The following CTNNA3 variants were observed in gnomAD, a reference collection of about 807,000 sequenced individuals.
CTNNA3 encodes the protein catenin alpha 3.
CTNNA3 carries 76 observed loss-of-function variants against 95.7 expected under a neutral mutation model. That is an observed-to-expected ratio of 0.79 (90% confidence interval 0.66 to 0.96). The LOEUF (loss-of-function observed/expected upper bound fraction) is 0.96. Among genes scored for constraint, CTNNA3 ranks in the 40% least tolerant of loss-of-function variants. CTNNA3 has a pLI of 0.00. For synonymous variants in CTNNA3, 431 were observed against 374.4 expected (o/e 1.15, Z -1.74); for missense variants, 1,191 against 1,089.8 (o/e 1.09, Z -1.31).
chr10:67,241,074 C>A (rs1019020403), intron 5 of CTNNA3, among the ~76,000 whole-genome samples: 5 of 152,114 alleles, frequency 3.3e-5, no homozygotes, highest in African/African-American at 1.2e-4. Context: ...TTAATGCATC[C>A]TTTCCATTGG....
intron 7 of CTNNA3, among the ~76,000 whole-genome samples, chr10:67,027,699 G>C (rs1242809533): frequency 6.6e-6 from 1 of 151,864 alleles, no homozygotes; most frequent in African/African-American, 2.4e-5. Context: ...AAAGTGCTGG[G>C]ATTACAGGCA....
In CTNNA3 at chr10:66,019,739, TAAAAA is replaced by T. The variant is rs2079163385; in HGVS notation, c.2160-30947_2160-30943del. On this transcript the variant is annotated intron_variant, in intron 15 of 17. Transcript: ENST00000433211. ...AAAAGAAATGGGCAAAAAAAATAGT[TAAAAA>T]ATTGCTTAGTGTAGTTTGATGTTCC... is the stretch of plus-strand genomic sequence containing the variant. Among the ~76,000 whole-genome samples, 3 of 152,154 alleles carry T rather than the reference TAAAAA, an allele frequency of 2.0e-5. No individual in the cohort carries two copies. The South Asian group carries it at 6.2e-4, about 31-fold the overall frequency.
At chr10:66,714,855 T>G (rs1025586920) in intron 9 of CTNNA3, among the ~76,000 whole-genome samples, 1 of 152,174 alleles carries the variant, frequency 6.6e-6, no homozygotes, top group African/African-American at 2.4e-5. Flanking sequence ...GCTTAAAACT[T>G]CTTTAATGAG....
chr10:66,419,543 A>C (rs1296890741), intron 11 of CTNNA3, among the ~76,000 whole-genome samples: 1 of 152,174 alleles, frequency 6.6e-6, no homozygotes, highest in African/African-American at 2.4e-5. Context: ...AAACAATCCT[A>C]CAATTCATTT....
chr10:67,604,940 T>A (rs998979635), intron 3 of CTNNA3, among the ~76,000 whole-genome samples: 6 of 152,182 alleles, frequency 3.9e-5, no homozygotes, highest in Admixed American at 3.3e-4. Flanking sequence ...GTATATAACA[T>A]ACATAACAAA....
At chr10:67,749,758 G>A (rs1472636002) in intron 1 of CTNNA3, among the ~76,000 whole-genome samples, 1 of 152,074 alleles carries the variant, frequency 6.6e-6, no homozygotes, top group East Asian at 1.9e-4. Flanking sequence ...AAGATATAGA[G>A]AGGCAGGAGC....
intron 9 of CTNNA3, among the ~76,000 whole-genome samples, chr10:66,646,574 G>A (rs1362290078): frequency 6.6e-6 from 1 of 152,124 alleles, no homozygotes; most frequent in African/African-American, 2.4e-5. Flanking sequence ...AGGTGAAAGA[G>A]AGATGAAAAT....
chr10:66,386,321 A>C (rs917017699), intron 11 of CTNNA3, among the ~76,000 whole-genome samples: 4 of 152,170 alleles, frequency 2.6e-5, no homozygotes, highest in African/African-American at 4.8e-5. Context: ...AAAGAGCCAA[A>C]TCATGAGTGA....
intron 10 of CTNNA3, among the ~76,000 whole-genome samples, chr10:66,617,044 T>G (rs961044438): frequency 6.6e-6 from 1 of 151,962 alleles, no homozygotes; most frequent in Non-Finnish European, 1.5e-5. Context: ...GAACATCCAA[T>G]ATATATTTTA....
At chr10:67,446,966 G>A (rs891337937) in intron 5 of CTNNA3, among the ~76,000 whole-genome samples, 11 of 152,236 alleles carry the variant, frequency 7.2e-5, no homozygotes, top group South Asian at 2.1e-4. Flanking sequence ...TTAGCCGGGC[G>A]TGGTGGCGGG....
chr10:66,176,883 C>T (rs1192635338), intron 13 of CTNNA3, among the ~76,000 whole-genome samples: 1 of 151,830 alleles, frequency 6.6e-6, no homozygotes, highest in Non-Finnish European at 1.5e-5. Context: ...CTTACATAAA[C>T]CCTGTTCTGA....
intron 7 of CTNNA3, among the ~76,000 whole-genome samples, chr10:66,840,057 C>T (rs528233870): frequency 2.6e-5 from 4 of 151,958 alleles, no homozygotes; most frequent in Non-Finnish European, 5.9e-5. Flanking sequence ...AAACTAATCC[C>T]GAATAGGCCA....
rs150428684 is a variant in CTNNA3, at chr10:66,793,760, G to T, written c.1048-18236C>A. Among the ~76,000 whole-genome samples, 102 of 152,100 alleles carry T rather than the reference G, an allele frequency of 6.7e-4. No individual in the cohort carries two copies. The East Asian group carries it at 0.015, about 22-fold the overall frequency. Reference sequence around the variant, plus strand: ...TTGTAACTTTTTTTTAACTTGAGCTGTTATTGAGATGTCTCTTAAATAGAC... The same window carrying T: ...TTGTAACTTTTTTTTAACTTGAGCTTTTATTGAGATGTCTCTTAAATAGAC... On this transcript the variant is annotated intron_variant, in intron 7 of 17. Transcript: ENST00000433211.
At chr10:66,454,983 A>G (rs928578545) in intron 11 of CTNNA3, among the ~76,000 whole-genome samples, 2 of 152,190 alleles carry the variant, frequency 1.3e-5, no homozygotes, top group Non-Finnish European at 2.9e-5. Context: ...TTTGGCATCA[A>G]TGAAATCTGT....
chr10:67,551,135 T>A (rs539941445), intron 3 of CTNNA3, among the ~76,000 whole-genome samples: 1 of 151,908 alleles, frequency 6.6e-6, no homozygotes, highest in East Asian at 1.9e-4. Flanking sequence ...CTGTAAAAAC[T>A]CCCGAGACTC....
At chr10:67,466,178 C>T (rs1847586216) in intron 5 of CTNNA3, among the ~76,000 whole-genome samples, 1 of 152,072 alleles carries the variant, frequency 6.6e-6, no homozygotes, top group South Asian at 2.1e-4. Flanking sequence ...TTCATCTGTA[C>T]AATGCTATTT....
Position 67,607,050 on chromosome 10 carries a change from C to T in CTNNA3, c.100-1G>A. The T allele has an allele frequency of 1.2e-6, 2 of 1,606,494 alleles. No homozygotes were observed. The highest frequency in any genetic ancestry group is 1.3e-5 in the African/African-American group (1 of 74,416). ...GGGGACAGTTTACAAGTGTGGTAAC[C>T]TAAAATTGGAAAAATACAAAGTACT... On this transcript the variant is annotated splice_acceptor_variant, in intron 2 of 17. Transcript: ENST00000433211. LOFTEE classifies it high-confidence loss of function.
intron 2 of CTNNA3, among the ~76,000 whole-genome samples, chr10:67,621,798 C>A (rs531109442): frequency 1.3e-3 from 203 of 151,706 alleles, no homozygotes; most frequent in Non-Finnish European, 2.4e-3. Flanking sequence ...AGAACCAGGG[C>A]CTTCCAAGAC....
chr10:66,594,027 GA>G (rs1239870413), intron 10 of CTNNA3, among the ~76,000 whole-genome samples: 1 of 152,028 alleles, frequency 6.6e-6, no homozygotes. Context: ...CTTCAAAGTA[GA>G]AATATCTCTT....
Sources: allele counts gnomAD v4.1 joint callset (sites outside exome capture counted in the v4.1 genomes callset), GRCh38; gene constraint gnomAD v4.1.1; transcripts MANE v1.5; gene names NCBI Gene and HGNC (gene_info 2026-07-23, HGNC 2026-07-21).